The following TMEM169 variants were observed in gnomAD, a reference collection of about 807,000 sequenced individuals.
The protein encoded by TMEM169 is transmembrane protein 169.
A neutral mutation model predicts 27.3 loss-of-function variants in TMEM169; 18 were observed. That is an observed-to-expected ratio of 0.66 (90% CI 0.46 to 0.98). The LOEUF (loss-of-function observed/expected upper bound fraction) is 0.98. TMEM169 is among the 50% of genes least tolerant of loss of function. The pLI, the probability that TMEM169 is intolerant of heterozygous loss-of-function variation, is 0.00. For synonymous variants in TMEM169, 136 were observed against 142.1 expected (o/e 0.96, Z 0.30); for missense variants, 320 against 368.6 (o/e 0.87, Z 1.08).
At chr2:216,085,268 G>A (rs771676405) in intron 1 of TMEM169, among the ~76,000 whole-genome samples, 47 of 151,840 alleles carry the variant, frequency 3.1e-4, no homozygotes, top group African/African-American at 3.6e-4. Context: ...AAAATTAGCC[G>A]GGTGTGGTGG....
chr2:216,096,641 A>G (rs916392141), intron 2 of TMEM169, among the ~76,000 whole-genome samples: 29 of 152,344 alleles, frequency 1.9e-4, no homozygotes, highest in African/African-American at 7.0e-4. Context: ...CTGGGATTAT[A>G]GGCATGAGCC....
chr2:216,095,109 C>CTTTTTTTTTTTTTTTTTTT lies in TMEM169; in HGVS notation c.-126-715_-126-714insTTTTTTTTTTTTTTTTTTT, dbSNP rs71047975. Among the ~76,000 whole-genome samples, 30 of 110,470 alleles carry CTTTTTTTTTTTTTTTTTTT rather than the reference C, an allele frequency of 2.7e-4. 4 individuals carry two copies. The highest frequency in any genetic ancestry group is 8.2e-4 in the African/African-American group (20 of 24,526). 72.5% of individuals were successfully genotyped at this position (110,470 alleles called of 152,430 possible). A position where few individuals can be genotyped will look rare whatever the true frequency, so the allele number is the denominator to read the frequency against. On this transcript the variant is annotated intron_variant, in intron 1 of 2. Transcript: ENST00000437356. ...AGCCACCTATGGTTCTTTTTTCTTT[C>CTTTTTTTTTTTTTTTTTTT]TTTTTTTTTTTTTTGACAGAGTCTC...
chr2:216,091,854 A>T (rs2105983082), intron 1 of TMEM169, among the ~76,000 whole-genome samples: 1 of 152,294 alleles, frequency 6.6e-6, no homozygotes, highest in Non-Finnish European at 1.5e-5. Flanking sequence ...ACTTACCATG[A>T]CTACAAAATA....
chr2:216,100,707 G>A lies in TMEM169; in HGVS notation c.*165G>A. 1 of 910,128 alleles carries A rather than the reference G, an allele frequency of 1.1e-6. No individual in the cohort carries two copies. The highest frequency in any genetic ancestry group is 1.6e-6 in the Non-Finnish European group (1 of 614,776). 56.4% of individuals were successfully genotyped at this position (910,128 alleles called of 1,614,324 possible). On this transcript the variant is annotated 3_prime_UTR_variant, in exon 3 of 3. Transcript: ENST00000437356. ...ATCTTGAGGGTTCCAGGAGGGCATG[G>A]AGCAGACAAGCAATTGTGCCAAAGC... is the stretch of plus-strand genomic sequence containing the variant.
At chr2:216,088,380 C>T (rs78401846) in intron 1 of TMEM169, among the ~76,000 whole-genome samples, 35 of 152,322 alleles carry the variant, frequency 2.3e-4, no homozygotes, top group African/African-American at 7.9e-4. Context: ...AGGAGAATGG[C>T]GTGAACCCGG....
At position 216,100,263 on chromosome 2, in the gene TMEM169, G is replaced by A. The variant is rs182905932; in HGVS notation, c.615G>A (p.Ser205=). The change falls in exon 3 of 3, where the codon TCG becomes TCA. Residue 205 remains serine, a synonymous_variant. Transcript: ENST00000437356. ...AAAGGACCTTCTGGCACAAGATCTC[G>A]TATTGCCCTTGCCTCGTTCTCTTCT... ...NEERTFWHKI[S]YCPCLVLFYP... is the part of the protein sequence containing the mutation. 1.2e-5 allele frequency: 20 copies of A among 1,613,592 alleles called. No homozygotes were observed. Among genetic ancestry groups the A allele is most frequent in the African/African-American group, 2.7e-5 (2 of 74,736 alleles).
chr2:216,090,037 G>T (rs770121649), intron 1 of TMEM169, among the ~76,000 whole-genome samples: 1 of 152,214 alleles, frequency 6.6e-6, no homozygotes, highest in Non-Finnish European at 1.5e-5. Context: ...GCATGTGTGT[G>T]TGTCTGTGTG....
In TMEM169 at chr2:216,099,487, C is replaced by T. The variant is rs145050437; in HGVS notation, c.272-433C>T. On this transcript the variant is annotated intron_variant, in intron 2 of 2. Coordinates refer to ENST00000437356, the MANE Select transcript of TMEM169 (RefSeq NM_001142311.2). This position sits in a 1 kb window ranked among gnomAD's most constrained non-coding sequence, Gnocchi z 5.0. ...GTGAGGGGCCCCCTCTCAGAAAGCACAGAACTAGGCATGAGAAGGGAAGGT... is the reference window on the plus strand; with the variant it reads ...GTGAGGGGCCCCCTCTCAGAAAGCATAGAACTAGGCATGAGAAGGGAAGGT... 1.3e-5 allele frequency among the ~76,000 whole-genome samples: 2 copies of T among 152,006 alleles called. No individual in the cohort carries two copies. Among genetic ancestry groups the T allele is most frequent in the East Asian group, 3.9e-4 (2 of 5,182 alleles).
intron 1 of TMEM169, among the ~76,000 whole-genome samples, chr2:216,085,642 G>A (rs1422395174): frequency 1.3e-5 from 2 of 152,094 alleles, no homozygotes; most frequent in Non-Finnish European, 2.9e-5. Context: ...AGGCCAAGGC[G>A]GGCGGATCAC....
rs367789628 is a variant in TMEM169 at position 216,100,035 on chromosome 2, G to A, written c.387G>A (p.Leu129=). The A allele has an allele frequency of 2.5e-6, 4 of 1,614,052 alleles. No homozygotes were observed. In the African/African-American group the frequency reaches 4.0e-5, roughly 16 times the overall value. ...ATGTCACATTGACAGAGAAAGAGCT[G>A]CAGGAACTGACCAAACCTAAAGAGT... ...DIHVTLTEKE[L]QELTKPKESS... The change falls in exon 3 of 3, where the codon CTG becomes CTA. Residue 129 remains leucine (L), a synonymous_variant. Coordinates refer to ENST00000437356, the MANE Select transcript of TMEM169 (RefSeq NM_001142311.2).
chr2:216,090,507 T>C (rs977345720), intron 1 of TMEM169, among the ~76,000 whole-genome samples: 1 of 152,200 alleles, frequency 6.6e-6, no homozygotes, highest in African/African-American at 2.4e-5. Context: ...CTGACATCTT[T>C]AGAGATCTTG....
rs372395398 is a variant in TMEM169, at chr2:216,100,140, G to T, written c.492G>T (p.Thr164=). ...ADRGPHVVLW[T]LICLPVVFIL... Reference sequence around the variant, plus strand: ...GTGGGCCCCATGTGGTCCTCTGGACGCTGATCTGCCTGCCTGTGGTTTTCA... The same window carrying T: ...GTGGGCCCCATGTGGTCCTCTGGACTCTGATCTGCCTGCCTGTGGTTTTCA... The change falls in exon 3 of 3, where the codon ACG becomes ACT. Residue 164 remains threonine, a synonymous_variant. Transcript: ENST00000437356. The T allele has an allele frequency of 1.2e-6, 2 of 1,614,140 alleles. No individual in the cohort carries two copies. The highest frequency in any genetic ancestry group is 3.3e-5 in the Admixed American group (2 of 60,012).
intron 1 of TMEM169, among the ~76,000 whole-genome samples, chr2:216,088,704 G>A (rs1312957341): frequency 6.6e-6 from 1 of 152,184 alleles, no homozygotes. Context: ...TTTTTTGAAT[G>A]TGTAATTCAG....
At chr2:216,093,577 C>T (rs536708816) in intron 1 of TMEM169, among the ~76,000 whole-genome samples, 2 of 152,198 alleles carry the variant, frequency 1.3e-5, no homozygotes, top group African/African-American at 4.8e-5. Flanking sequence ...TCAATTGTGT[C>T]GCTGGGTGCC....
chr2:216,100,306 G>A lies in TMEM169; in HGVS notation c.658G>A (p.Ala220Thr). Residue 220 changes from alanine (A) to threonine (T), a missense_variant, in exon 3 of 3, where the codon GCC (alanine) becomes ACC (threonine). Transcript: ENST00000437356. ...TCTCTTCTATCCAGTGCTCATCATG[G>A]CCATGGCTTCTTCCCTCGGCCTCTA... Reference protein sequence around the residue: ...LVLFYPVLIMAMASSLGLYAA... With the variant: ...LVLFYPVLIMTMASSLGLYAA... 1 of 1,613,864 alleles carries A rather than the reference G, an allele frequency of 6.2e-7. No homozygotes were observed. The highest frequency in any genetic ancestry group is 1.1e-5 in the South Asian group (1 of 91,064).
intron 1 of TMEM169, among the ~76,000 whole-genome samples, chr2:216,092,310 G>T (rs561244823): frequency 1.3e-5 from 2 of 152,074 alleles, no homozygotes; most frequent in Admixed American, 1.3e-4. Context: ...CTCCCATTGT[G>T]CCCAACCAAA....
chr2:216,091,919 C>T (rs1378047234), intron 1 of TMEM169, among the ~76,000 whole-genome samples: 1 of 152,146 alleles, frequency 6.6e-6, no homozygotes, highest in African/African-American at 2.4e-5. Flanking sequence ...GGATAGTGTT[C>T]TAATTGTAGG....
intron 1 of TMEM169, among the ~76,000 whole-genome samples, chr2:216,093,019 A>G (rs910256850): frequency 1.3e-5 from 2 of 152,278 alleles, no homozygotes; most frequent in East Asian, 3.9e-4. Flanking sequence ...AGAGAGTAGA[A>G]TTACAAATGT....
intron 1 of TMEM169, among the ~76,000 whole-genome samples, chr2:216,084,510 A>G (rs16855409): frequency 0.011 from 1,751 of 152,314 alleles, 49 homozygotes; most frequent in African/African-American, 0.039. Context: ...GCCTACTTCT[A>G]TGGTACCACT....
Sources: allele counts gnomAD v4.1 joint callset (sites outside exome capture counted in the v4.1 genomes callset), GRCh38; gene constraint gnomAD v4.1.1; non-coding constraint Gnocchi (gnomAD v3.1); transcripts MANE v1.5; gene names NCBI Gene and HGNC (gene_info 2026-07-23, HGNC 2026-07-21).